Variants in SGMS1 observed in about 807,000 individuals in gnomAD.
SGMS1 encodes the protein phosphatidylcholine:ceramide cholinephosphotransferase 1.
SGMS1 carries 13 observed loss-of-function variants against 46.2 expected under a neutral mutation model. That is an observed-to-expected ratio of 0.28 (90% confidence interval 0.18 to 0.45). SGMS1 has a LOEUF of 0.45. Among genes scored for constraint, SGMS1 ranks in the 20% least tolerant of loss-of-function variants. SGMS1 has a pLI of 1.00. For synonymous variants in SGMS1, 203 were observed against 187.8 expected (o/e 1.08, Z -0.66); for missense variants, 324 against 519.9 (o/e 0.62, Z 3.66).
intron 2 of SGMS1, among the ~76,000 whole-genome samples, chr10:50,577,624 C>T (rs368861917): frequency 2.0e-5 from 3 of 152,150 alleles, no homozygotes; most frequent in East Asian, 3.8e-4. Flanking sequence ...GCTTTAATAA[C>T]AAGAGAGAAA....
intron 6 of SGMS1, among the ~76,000 whole-genome samples, chr10:50,374,399 C>T (rs1381931694): frequency 1.3e-5 from 2 of 152,146 alleles, no homozygotes; most frequent in Admixed American, 6.6e-5. Context: ...CTGGTGAGTA[C>T]ATATGAGAGT....
At chr10:50,497,672 T>C (rs1837627382) in intron 3 of SGMS1, among the ~76,000 whole-genome samples, 1 of 152,090 alleles carries the variant, frequency 6.6e-6, no homozygotes, top group Non-Finnish European at 1.5e-5. Context: ...TGCATGCCTG[T>C]AATCCCAGCT....
At chr10:50,413,344 C>T (rs1275583422) in intron 6 of SGMS1, among the ~76,000 whole-genome samples, 1 of 152,186 alleles carries the variant, frequency 6.6e-6, no homozygotes, top group African/African-American at 2.4e-5. Context: ...CACCGTGCTG[C>T]TGATGATAAA....
At chr10:50,552,780 C>T (rs1213210169) in intron 2 of SGMS1, among the ~76,000 whole-genome samples, 1 of 152,042 alleles carries the variant, frequency 6.6e-6, no homozygotes, top group Non-Finnish European at 1.5e-5. Flanking sequence ...GGTTAATGAC[C>T]TTGAGATGGG....
chr10:50,465,198 A>G (rs970949813), intron 4 of SGMS1, among the ~76,000 whole-genome samples: 5 of 152,218 alleles, frequency 3.3e-5, no homozygotes, highest in Non-Finnish European at 7.3e-5. Flanking sequence ...TGAAATGGCC[A>G]GTAAGGTCTC....
intron 3 of SGMS1, among the ~76,000 whole-genome samples, chr10:50,519,350 T>G (rs978773974): frequency 6.6e-6 from 1 of 152,162 alleles, no homozygotes; most frequent in East Asian, 1.9e-4. Flanking sequence ...GCACTGGACT[T>G]ACCTGTTCAA....
intron 5 of SGMS1, among the ~76,000 whole-genome samples, chr10:50,451,927 AT>A (rs751669591): frequency 2.0e-5 from 3 of 152,220 alleles, no homozygotes; most frequent in Non-Finnish European, 4.4e-5. Context: ...CTTACAAATA[AT>A]ATTACACTCA....
At chr10:50,335,249 T>C (rs562309483) in intron 7 of SGMS1, 1 of 152,352 alleles carries the variant, frequency 6.6e-6, no homozygotes, top group African/African-American at 2.4e-5. Context: ...GCTATGATCA[T>C]GCCACTACAC....
chr10:50,604,078 G>A (rs1233743198), intron 1 of SGMS1, among the ~76,000 whole-genome samples: 1 of 152,018 alleles, frequency 6.6e-6, no homozygotes, highest in Non-Finnish European at 1.5e-5. Context: ...TAAAATAGGG[G>A]CCTCAGTGCA....
chr10:50,426,965 C>A (rs900934229), intron 6 of SGMS1, among the ~76,000 whole-genome samples: 3 of 152,126 alleles, frequency 2.0e-5, no homozygotes, highest in African/African-American at 7.2e-5. Context: ...TTTCATACAT[C>A]ATAGAAAAGA....
chr10:50,395,839 G>T (rs924405105), intron 6 of SGMS1, among the ~76,000 whole-genome samples: 9 of 152,086 alleles, frequency 5.9e-5, no homozygotes, highest in Non-Finnish European at 1.3e-4. Flanking sequence ...TGGGGCTTGT[G>T]CAGGAAAGAC....
chr10:50,423,210 C>T (rs974153885), intron 6 of SGMS1, among the ~76,000 whole-genome samples: 2 of 152,202 alleles, frequency 1.3e-5, no homozygotes, highest in Non-Finnish European at 2.9e-5. Flanking sequence ...CAGCTCAACA[C>T]GAATTGCACC....
At chr10:50,492,510 T>C (rs1482669317) in intron 3 of SGMS1, among the ~76,000 whole-genome samples, 2 of 151,994 alleles carry the variant, frequency 1.3e-5, no homozygotes, top group African/African-American at 4.8e-5. Flanking sequence ...ACACCAACAA[T>C]AGTCAAACCA....
chr10:50,574,963 G>GTATATATATATATATATGTGTA (rs1838368970), intron 2 of SGMS1, among the ~76,000 whole-genome samples: 1 of 99,864 alleles, frequency 1.0e-5, no homozygotes, highest in Non-Finnish European at 2.2e-5. Flanking sequence ...AAAATGTGGT[G>GTATATATATATATATATGTGTA]TATATATATA....
In SGMS1 at chr10:50,605,547, T is replaced by C. The variant is rs571483167; in HGVS notation, c.-683-15300A>G. ...CAACCCTGACAGGACTTGCTCAAGG[T>C]TGCTGCCAAGTTTGCTGGTGAGACT... is the stretch of plus-strand genomic sequence containing the variant. On this transcript the variant is annotated intron_variant, in intron 1 of 10. Transcript: ENST00000361781. Among the ~76,000 whole-genome samples, 18 of 152,264 alleles carry C rather than the reference T, an allele frequency of 1.2e-4. No individual in the cohort carries two copies. In the South Asian group the frequency reaches 3.7e-3, roughly 32 times the overall value.
chr10:50,365,637 T>C (rs1404996764), intron 6 of SGMS1, among the ~76,000 whole-genome samples: 1 of 152,124 alleles, frequency 6.6e-6, no homozygotes, highest in Non-Finnish European at 1.5e-5. Context: ...CCTGTGTCCA[T>C]GTGTTCTCCT....
intron 6 of SGMS1, among the ~76,000 whole-genome samples, chr10:50,415,108 G>A (rs779343445): frequency 5.3e-5 from 8 of 152,314 alleles, no homozygotes; most frequent in Non-Finnish European, 8.8e-5. Flanking sequence ...GTGACAGAGC[G>A]AGACTCCGTC....
intron 2 of SGMS1, among the ~76,000 whole-genome samples, chr10:50,535,962 T>C (rs1327375962): frequency 6.6e-6 from 1 of 152,184 alleles, no homozygotes; most frequent in Non-Finnish European, 1.5e-5. Context: ...TACATTCTTC[T>C]TCTTTACTAT....
chr10:50,451,339 G>A (rs1177203345), intron 5 of SGMS1, among the ~76,000 whole-genome samples: 1 of 152,164 alleles, frequency 6.6e-6, no homozygotes, highest in Non-Finnish European at 1.5e-5. Context: ...TCATGGCAGA[G>A]ATTTAAAACA....
Sources: allele counts gnomAD v4.1 joint callset (sites outside exome capture counted in the v4.1 genomes callset), GRCh38; gene constraint gnomAD v4.1.1; transcripts MANE v1.5; gene names NCBI Gene and HGNC (gene_info 2026-07-23, HGNC 2026-07-21).